Variants in FRAS1 observed in about 807,000 individuals in gnomAD.
FRAS1 encodes extracellular matrix organizing protein FRAS1.
In FRAS1, 290 loss-of-function variants were observed where a neutral mutation model predicts 435.2. That is an observed-to-expected ratio of 0.67 (90% CI 0.61 to 0.73). The LOEUF is 0.73. Ranked by LOEUF, FRAS1 falls within the 30% of genes least tolerant of loss-of-function variation. FRAS1 has a pLI of 0.00. For synonymous variants in FRAS1, 1,800 were observed against 1,851.0 expected (o/e 0.97, Z 0.71); for missense variants, 4,860 against 5,001.5 (o/e 0.97, Z 0.85).
chr4:78,413,020 A>G lies in FRAS1; in HGVS notation c.4360A>G (p.Ile1454Val), dbSNP rs778257058. Residue 1454 changes from isoleucine (I) to valine (V), a missense_variant, in exon 32 of 74, where the codon ATC (isoleucine) becomes GTC (valine). Transcript: ENST00000512123. ...CCGCCTGGAGAGCCACATGTTCAAC[A>G]TCGCGATCTTACCACAGACACCTGA... Reference protein sequence around the residue: ...QTRLESHMFNIAILPQTPEAP... With the variant: ...QTRLESHMFNVAILPQTPEAP... 2 of 1,610,774 alleles carry G rather than the reference A, an allele frequency of 1.2e-6. No homozygotes were observed. Among genetic ancestry groups the G allele is most frequent in the Non-Finnish European group, 8.5e-7 (1 of 1,178,604 alleles).
Position 78,514,236 on chromosome 4 carries a change from G to A in FRAS1, c.10174+684G>A, listed in dbSNP as rs908283713. 2.0e-5 allele frequency among the ~76,000 whole-genome samples: 3 copies of A among 152,318 alleles called. No individual in the cohort carries two copies. The South Asian group carries it at 6.2e-4, about 32-fold the overall frequency. On this transcript the variant is annotated intron_variant, in intron 65 of 73. Transcript: ENST00000512123. The stretch of plus-strand genomic sequence containing the variant: ...CACTGGATGCAGGCTGCCCCGCAAG[G>A]GCATGACCTTGGGCTGAGCCAATAT...
rs1377902837 is a variant in FRAS1, at chr4:78,337,663, C to A, written c.2279-11C>A. The A allele has an allele frequency of 1.2e-6, 2 of 1,608,556 alleles. No individual in the cohort carries two copies. The highest frequency in any genetic ancestry group is 1.7e-5 in the Admixed American group (1 of 59,870). On this transcript the variant is annotated splice_polypyrimidine_tract_variant and intron_variant, in intron 19 of 73. Coordinates refer to ENST00000512123, the MANE Select transcript of FRAS1 (RefSeq NM_025074.7). ...TGCTAATTCCAATCCTGGTTTTCGT[C>A]CCCCTGCCAGAGTGTCACCCAACCT...
chr4:78,504,703 G>A (rs1043154430), intron 61 of FRAS1, among the ~76,000 whole-genome samples: 1 of 152,092 alleles, frequency 6.6e-6, no homozygotes, highest in African/African-American at 2.4e-5. Context: ...TCTTTTAATT[G>A]GGGTCATTTA....
chr4:78,176,364 A>G (rs961549636), intron 2 of FRAS1, among the ~76,000 whole-genome samples: 5 of 152,142 alleles, frequency 3.3e-5, no homozygotes, highest in Non-Finnish European at 4.4e-5. Context: ...CATTGTGAGT[A>G]TGAGGACTCG....
At chr4:78,493,887 A>G (rs1014557416) in intron 59 of FRAS1, among the ~76,000 whole-genome samples, 1 of 152,206 alleles carries the variant, frequency 6.6e-6, no homozygotes, top group African/African-American at 2.4e-5. Context: ...AAAAGTGTGT[A>G]TTGAATCAGA....
At chr4:78,224,163 G>A (rs10031070) in intron 2 of FRAS1, among the ~76,000 whole-genome samples, 100,569 of 152,072 alleles carry the variant, frequency 0.66, 33,330 homozygotes, top group East Asian at 0.69. Flanking sequence ...AATAGTGGCA[G>A]CCAAAGTCAA....
At chr4:78,206,270 C>T (rs568065533) in intron 2 of FRAS1, among the ~76,000 whole-genome samples, 49 of 151,900 alleles carry the variant, frequency 3.2e-4, no homozygotes, top group East Asian at 2.7e-3. Flanking sequence ...GAGGTAGTGA[C>T]GGGAATAATG....
chr4:78,327,056 A>G (rs754259368), intron 18 of FRAS1, among the ~76,000 whole-genome samples: 1 of 152,150 alleles, frequency 6.6e-6, no homozygotes, highest in Non-Finnish European at 1.5e-5. Flanking sequence ...TGTTCATTTA[A>G]AAAAAGAAAA....
At position 78,284,420 on chromosome 4, in the gene FRAS1, A is replaced by AT; in HGVS notation, c.1273dup (p.Cys425LeufsTer12). 6.2e-7 allele frequency: 1 copy of AT among 1,613,736 alleles called. No homozygotes were observed. The highest frequency in any genetic ancestry group is 8.5e-7 in the Non-Finnish European group (1 of 1,179,822). On this transcript the variant is annotated frameshift_variant, in exon 13 of 74. Coordinates refer to ENST00000512123, the MANE Select transcript of FRAS1 (RefSeq NM_025074.7). LOFTEE classifies it high-confidence loss of function. ...TTGATTTCAGTTCATTGCCATCCAG[A>AT]TTGTTTGACATGCTCTCAGTCTCCA... is the stretch of plus-strand genomic sequence containing the variant.
At chr4:78,245,008 T>C (rs1022021532) in intron 3 of FRAS1, among the ~76,000 whole-genome samples, 3 of 152,226 alleles carry the variant, frequency 2.0e-5, no homozygotes, top group Non-Finnish European at 4.4e-5. Flanking sequence ...GTAGAGTTTT[T>C]TTTTCAAGGA....
At position 78,363,924 on chromosome 4, in the gene FRAS1, C is replaced by T; in HGVS notation, c.2592C>T (p.Cys864=). The T allele has an allele frequency of 1.9e-6, 3 of 1,610,816 alleles. No individual in the cohort carries two copies. Among genetic ancestry groups the T allele is most frequent in the Non-Finnish European group, 2.5e-6 (3 of 1,178,632 alleles). ...CCTCTGCAGAATGCCACTCCTCCTG[C>T]AGAACCTGCCAGGGCAGAGGACCTT... The part of the protein sequence containing the change: ...RGACKKCHSS[C]RTCQGRGPFS... The change falls in exon 22 of 74, where the codon TGC becomes TGT. Residue 864 remains cysteine (C), a synonymous_variant. Transcript: ENST00000512123.
intron 31 of FRAS1, among the ~76,000 whole-genome samples, chr4:78,408,863 C>T (rs1184925507): frequency 6.6e-6 from 1 of 152,118 alleles, no homozygotes; most frequent in African/African-American, 2.4e-5. Context: ...GTGGCTCACA[C>T]TTGTAATCTC....
intron 15 of FRAS1, among the ~76,000 whole-genome samples, chr4:78,313,230 T>G (rs1182281289): frequency 7.2e-5 from 11 of 152,224 alleles, no homozygotes. Flanking sequence ...TTCATTTCTT[T>G]GTTCCAGTCC....
At chr4:78,449,148 G>T (rs924560237) in intron 44 of FRAS1, among the ~76,000 whole-genome samples, 3 of 152,114 alleles carry the variant, frequency 2.0e-5, no homozygotes, top group Non-Finnish European at 4.4e-5. Flanking sequence ...CAGAAATACG[G>T]CACTCTTGTT....
At chr4:78,505,707 C>T (rs1463849727) in intron 61 of FRAS1, among the ~76,000 whole-genome samples, 2 of 151,960 alleles carry the variant, frequency 1.3e-5, no homozygotes, top group Non-Finnish European at 2.9e-5. Context: ...TTGTTATTAC[C>T]GACCTTCTGA....
In FRAS1 at chr4:78,384,140, A is replaced by T; in HGVS notation, c.3645A>T (p.Thr1215=). The part of the protein sequence containing the change: ...PQLINIQAFS[T]QAPYVLRNEV... ...TGATCAACATACAAGCATTTTCAACACAGGTAATAAAAATGGCCACGTAAT... is the reference window on the plus strand; with the variant it reads ...TGATCAACATACAAGCATTTTCAACTCAGGTAATAAAAATGGCCACGTAAT... Residue 1215 remains threonine, a synonymous_variant, in exon 28 of 74, where the codon ACA becomes ACT. Transcript: ENST00000512123. 1.3e-6 allele frequency: 2 copies of T among 1,587,238 alleles called. No homozygotes were observed. Among genetic ancestry groups the T allele is most frequent in the Non-Finnish European group, 1.7e-6 (2 of 1,168,584 alleles).
chr4:78,509,152 A>G (rs1424489727), intron 63 of FRAS1, 146 bp downstream of exon 63: 4 of 882,030 alleles, frequency 4.5e-6, no homozygotes, highest in Non-Finnish European at 6.7e-6. Context: ...TTTTACTCTT[A>G]TACATAAGAA....
At chr4:78,323,097 C>T (rs1300782929) in intron 18 of FRAS1, among the ~76,000 whole-genome samples, 1 of 152,112 alleles carries the variant, frequency 6.6e-6, no homozygotes, top group Non-Finnish European at 1.5e-5. Flanking sequence ...ATGCATTTGT[C>T]CTGTGCTTTG....
intron 33 of FRAS1, among the ~76,000 whole-genome samples, chr4:78,420,739 A>G (rs983826974): frequency 3.3e-5 from 5 of 151,908 alleles, no homozygotes; most frequent in African/African-American, 1.2e-4. Flanking sequence ...TTGAAACTCA[A>G]CTGAGAGAAT....
Sources: gnomAD v4.1 joint callset for allele counts (sites outside exome capture counted in the v4.1 genomes callset) on GRCh38, gnomAD v4.1.1 for gene constraint, MANE v1.5 for transcripts, NCBI Gene and HGNC (gene_info 2026-07-23, HGNC 2026-07-21) for gene names.